The following PID1 variants were observed in gnomAD, a reference collection of about 807,000 sequenced individuals.
PID1 encodes the protein PTB-containing, cubilin and LRP1-interacting protein.
Under a neutral mutation model 19.1 loss-of-function variants are expected in PID1, and 10 were observed. That is an observed-to-expected ratio of 0.52 (90% CI 0.32 to 0.89). The LOEUF (loss-of-function observed/expected upper bound fraction) is 0.89. Among genes scored for constraint, PID1 ranks in the 40% least tolerant of loss-of-function variants. The pLI, the probability that PID1 is intolerant of heterozygous loss-of-function variation, is 0.03. For synonymous variants in PID1, 130 were observed against 116.0 expected (o/e 1.12, Z -0.78); for missense variants, 248 against 285.3 (o/e 0.87, Z 0.94).
At chr2:229,239,202 T>A (rs1689805147) in intron 1 of PID1, among the ~76,000 whole-genome samples, 1 of 152,160 alleles carries the variant, frequency 6.6e-6, no homozygotes, top group African/African-American at 2.4e-5. Flanking sequence ...TCAGATTTAG[T>A]AAGCTAGCGG....
intron 1 of PID1, among the ~76,000 whole-genome samples, chr2:229,205,356 A>T (rs889783584): frequency 6.6e-5 from 10 of 152,020 alleles, no homozygotes; most frequent in Non-Finnish European, 2.9e-5. Flanking sequence ...TCACTAAGTA[A>T]TCTTGATTTA....
chr2:229,187,756 C>A (rs1344926387), intron 1 of PID1, among the ~76,000 whole-genome samples: 1 of 152,118 alleles, frequency 6.6e-6, no homozygotes, highest in East Asian at 1.9e-4. Context: ...AACAAAAATC[C>A]TCTTTCGAAT....
intron 1 of PID1, among the ~76,000 whole-genome samples, chr2:229,250,415 C>T (rs1052085453): frequency 6.6e-6 from 1 of 152,210 alleles, no homozygotes; most frequent in Non-Finnish European, 1.5e-5. Flanking sequence ...CCAGTATCAA[C>T]TGACTGTTCA....
At chr2:229,193,631 G>A (rs1691309790) in intron 1 of PID1, among the ~76,000 whole-genome samples, 1 of 152,066 alleles carries the variant, frequency 6.6e-6, no homozygotes, top group Non-Finnish European at 1.5e-5. Flanking sequence ...GAAGAGGGCT[G>A]TATTTTTATT....
At chr2:229,253,236 A>G (rs1237098021) in intron 1 of PID1, among the ~76,000 whole-genome samples, 3 of 152,206 alleles carry the variant, frequency 2.0e-5, no homozygotes, top group South Asian at 2.1e-4. Context: ...CATCCCTGAC[A>G]CTATTTCCAC....
At chr2:229,225,640 G>C (rs1692062102) in intron 1 of PID1, among the ~76,000 whole-genome samples, 1 of 152,080 alleles carries the variant, frequency 6.6e-6, no homozygotes, top group Admixed American at 6.6e-5. Context: ...TGCTAATAAA[G>C]ACATACATGG....
chr2:229,231,900 A>G (rs1447564893), intron 1 of PID1: 2 of 1,550,078 alleles, frequency 1.3e-6, no homozygotes, highest in Non-Finnish European at 8.7e-7. Context: ...TAATTTATAA[A>G]AAAAAACAGA....
chr2:229,052,556 T>G (rs1409387314), intron 2 of PID1, among the ~76,000 whole-genome samples: 1 of 152,158 alleles, frequency 6.6e-6, no homozygotes, highest in Non-Finnish European at 1.5e-5. Context: ...AGCTTTTTTT[T>G]TTCAACAAAT....
Position 229,025,592 on chromosome 2 carries a change from C to T in PID1, c.*40G>A, listed in dbSNP as rs202145888. On this transcript the variant is annotated 3_prime_UTR_variant, in exon 3 of 3. Coordinates refer to ENST00000392055, the MANE Select transcript of PID1 (RefSeq NM_001100818.2). ...CTTACTCATCTATTCCCTTGAACTC[C>T]GTGACCAATGCTGCCTTTGCTGAAG... 5.0e-5 allele frequency: 74 copies of T among 1,475,182 alleles called. No homozygotes were observed. In the East Asian group the frequency reaches 1.0e-3, roughly 20 times the overall value. 91.4% of individuals were successfully genotyped at this position (1,475,182 alleles called of 1,614,324 possible). A position where few individuals can be genotyped will look rare whatever the true frequency, so the allele number is the denominator to read the frequency against.
chr2:229,079,998 C>T lies in PID1; in HGVS notation c.178-53890G>A, dbSNP rs532651363. Among the ~76,000 whole-genome samples the T allele has an allele frequency of 8.9e-4, 136 of 152,196 alleles. 1 individual carries two copies. Among genetic ancestry groups the T allele is most frequent in the African/African-American group, 3.0e-3 (124 of 41,536 alleles). On this transcript the variant is annotated intron_variant, in intron 2 of 2. Transcript: ENST00000392055. ...TGCCTGGGACTCTGCCGGTCAGAGG[C>T]AGCAAGGCAGCTGCAGTCCAGCAAC...
chr2:229,101,040 G>A (rs1695063453), intron 2 of PID1, among the ~76,000 whole-genome samples: 1 of 152,152 alleles, frequency 6.6e-6, no homozygotes, highest in African/African-American at 2.4e-5. Flanking sequence ...GCACCATCCA[G>A]GCAGTTGGTG....
At chr2:229,091,440 T>C (rs191459347) in intron 2 of PID1, among the ~76,000 whole-genome samples, 2 of 151,956 alleles carry the variant, frequency 1.3e-5, no homozygotes, top group Admixed American at 1.3e-4. Context: ...CCTGAATGTG[T>C]CCCTGCAAAA....
intron 1 of PID1, among the ~76,000 whole-genome samples, chr2:229,163,825 T>C (rs1401697882): frequency 6.6e-6 from 1 of 152,200 alleles, no homozygotes; most frequent in Non-Finnish European, 1.5e-5. Context: ...ATGTAAACAG[T>C]TATTTTTCCA....
intron 2 of PID1, among the ~76,000 whole-genome samples, chr2:229,104,570 C>T (rs1695137715): frequency 6.6e-6 from 1 of 152,128 alleles, no homozygotes; most frequent in Non-Finnish European, 1.5e-5. Flanking sequence ...TTGCCTTAAC[C>T]CATAGTAACT....
chr2:229,043,865 C>T (rs78784988), intron 2 of PID1, among the ~76,000 whole-genome samples: 2,384 of 152,218 alleles, frequency 0.016, 32 homozygotes, highest in Non-Finnish European at 0.025. Context: ...CCGGGGCAGA[C>T]CTGTGAACCA....
Position 229,025,599 on chromosome 2 carries a change from A to T in PID1, c.*33T>A. The T allele has an allele frequency of 1.3e-6, 2 of 1,507,746 alleles. No homozygotes were observed. The highest frequency in any genetic ancestry group is 9.2e-7 in the Non-Finnish European group (1 of 1,089,762). 93.4% of individuals were successfully genotyped at this position (1,507,746 alleles called of 1,614,324 possible). A position where few individuals can be genotyped will look rare whatever the true frequency, so the allele number is the denominator to read the frequency against. ...ATCTATTCCCTTGAACTCCGTGACCAATGCTGCCTTTGCTGAAGCGTCTCA... is the reference window on the plus strand; with the variant it reads ...ATCTATTCCCTTGAACTCCGTGACCTATGCTGCCTTTGCTGAAGCGTCTCA... On this transcript the variant is annotated 3_prime_UTR_variant, in exon 3 of 3. Coordinates refer to ENST00000392055, the MANE Select transcript of PID1 (RefSeq NM_001100818.2).
At chr2:229,072,963 G>A (rs1406340449) in intron 2 of PID1, among the ~76,000 whole-genome samples, 1 of 152,204 alleles carries the variant, frequency 6.6e-6, no homozygotes, top group Non-Finnish European at 1.5e-5. Context: ...TACTCAGCAA[G>A]GTGATTACAA....
At chr2:229,065,340 C>T (rs563304878) in intron 2 of PID1, among the ~76,000 whole-genome samples, 2 of 152,204 alleles carry the variant, frequency 1.3e-5, no homozygotes, top group South Asian at 2.1e-4. Context: ...ATATGACATA[C>T]GTTATAAGCA....
Position 229,073,470 on chromosome 2 carries a change from C to T in PID1, c.178-47362G>A, listed in dbSNP as rs139150907. On this transcript the variant is annotated intron_variant, in intron 2 of 2. Transcript: ENST00000392055. ...TAGTTGCATGAATTGCCACGCTCTACGCTTCTAGAGGAGTTGGGAGAAAAC... is the reference window on the plus strand; with the variant it reads ...TAGTTGCATGAATTGCCACGCTCTATGCTTCTAGAGGAGTTGGGAGAAAAC... Among the ~76,000 whole-genome samples the T allele has an allele frequency of 2.6e-5, 4 of 152,284 alleles. No homozygotes were observed. The East Asian group carries it at 5.8e-4, about 22-fold the overall frequency.
Sources: gnomAD v4.1 joint callset for allele counts (sites outside exome capture counted in the v4.1 genomes callset) on GRCh38, gnomAD v4.1.1 for gene constraint, MANE v1.5 for transcripts, NCBI Gene and HGNC (gene_info 2026-07-23, HGNC 2026-07-21) for gene names.